Variants in GPR176 observed in about 807,000 individuals in gnomAD.
GPR176 encodes the protein G-protein coupled receptor 176.
Under a neutral mutation model 35.4 loss-of-function variants are expected in GPR176, and 26 were observed. The ratio of observed to expected loss-of-function variants is 0.74; its 90% CI spans 0.54 to 1.02. GPR176 has a LOEUF of 1.02. GPR176 is among the 50% of genes least tolerant of loss of function. The probability of loss-of-function intolerance (pLI) is 0.00; values close to 1 mark genes in which losing one functional copy is unlikely to be tolerated. For missense variants in GPR176, 597 were observed against 665.3 expected (o/e 0.90, Z 1.13); for synonymous variants, 278 against 271.3 (o/e 1.02, Z -0.24).
intron 1 of GPR176, among the ~76,000 whole-genome samples, chr15:39,830,721 T>C (rs997625767): frequency 6.6e-6 from 1 of 152,222 alleles, no homozygotes; most frequent in African/African-American, 2.4e-5. Flanking sequence ...TGACATGAGA[T>C]TTCAACTTTA....
intron 1 of GPR176, among the ~76,000 whole-genome samples, chr15:39,869,786 C>G (rs779028685): frequency 6.6e-6 from 1 of 152,178 alleles, no homozygotes; most frequent in Non-Finnish European, 1.5e-5. Context: ...TGTTTGACCT[C>G]TTCCAACTTT....
intron 1 of GPR176, among the ~76,000 whole-genome samples, chr15:39,918,044 TAAAAA>T (rs11410825): frequency 3.0e-4 from 33 of 111,456 alleles, no homozygotes; most frequent in African/African-American, 9.1e-4. Context: ...AAACTCTGTC[TAAAAA>T]AAAAAAAAAA....
intron 1 of GPR176, among the ~76,000 whole-genome samples, chr15:39,890,152 G>A (rs1396168798): frequency 6.6e-6 from 1 of 151,994 alleles, no homozygotes; most frequent in Non-Finnish European, 1.5e-5. Context: ...TACAAATTTG[G>A]GTTTTCTTAG....
chr15:39,849,597 T>C (rs373113001), intron 1 of GPR176, among the ~76,000 whole-genome samples: 1 of 152,144 alleles, frequency 6.6e-6, no homozygotes, highest in Non-Finnish European at 1.5e-5. Flanking sequence ...GCTTTCAACA[T>C]TTGAAAATCA....
rs373275682 is a variant in GPR176, at chr15:39,801,418, G to T, written c.1262C>A (p.Ser421Tyr). 5.6e-6 allele frequency: 9 copies of T among 1,614,240 alleles called. No individual in the cohort carries two copies. The highest frequency in any genetic ancestry group is 1.6e-4 in the Middle Eastern group (1 of 6,062). Residue 421 changes from serine to tyrosine, a missense_variant, in exon 3 of 3, where the codon TCT becomes TAT. By Grantham distance (144) the Ser-to-Tyr change is moderately radical. Transcript: ENST00000561100. ...EGEQGPQFAP[S>Y]APPLSTVDSV... Reference sequence around the variant, plus strand: ...GTCCACTGTGCTCAGGGGTGGGGCAGAGGGCGCAAACTGTGGCCCCTGCTC... The same window carrying T: ...GTCCACTGTGCTCAGGGGTGGGGCATAGGGCGCAAACTGTGGCCCCTGCTC...
At chr15:39,846,082 C>T (rs760399665) in intron 1 of GPR176, among the ~76,000 whole-genome samples, 2 of 152,152 alleles carry the variant, frequency 1.3e-5, no homozygotes, top group Non-Finnish European at 2.9e-5. Context: ...TTGAAAATAT[C>T]GTTCTGGACT....
chr15:39,918,729 G>C (rs538533552), intron 1 of GPR176, among the ~76,000 whole-genome samples: 4 of 151,842 alleles, frequency 2.6e-5, no homozygotes, highest in Non-Finnish European at 5.9e-5. Flanking sequence ...AAATATCCTC[G>C]TAACAAAAAA....
intron 1 of GPR176, among the ~76,000 whole-genome samples, chr15:39,910,955 T>G (rs976584755): frequency 6.6e-5 from 10 of 152,012 alleles, no homozygotes; most frequent in African/African-American, 2.4e-4. Flanking sequence ...GGAGAATCAT[T>G]TGAATCCAGG....
At chr15:39,821,457 G>T (rs556275356) in intron 1 of GPR176, among the ~76,000 whole-genome samples, 5 of 152,200 alleles carry the variant, frequency 3.3e-5, no homozygotes, top group Admixed American at 1.3e-4. Flanking sequence ...CTTGCCCTTG[G>T]TGTTATTCTT....
chr15:39,888,011 C>T (rs2032733050), intron 1 of GPR176, among the ~76,000 whole-genome samples: 1 of 152,174 alleles, frequency 6.6e-6, no homozygotes, highest in Non-Finnish European at 1.5e-5. Context: ...TCTAACTTAG[C>T]TTTATCTACC....
chr15:39,821,811 G>A lies in GPR176; in HGVS notation c.173-14553C>T, dbSNP rs79800139. Among the ~76,000 whole-genome samples, 1,309 of 152,294 alleles carry A rather than the reference G, an allele frequency of 8.6e-3. 19 individuals carry two copies. Among genetic ancestry groups the A allele is most frequent in the African/African-American group, 0.03 (1,247 of 41,544 alleles). ...TTTTTGCTAACTGTTAAGAGTTCTG[G>A]CAAAAGCAAATATTGTAAGCCCCTC... On this transcript the variant is annotated intron_variant, in intron 1 of 2. Coordinates refer to ENST00000561100, the MANE Select transcript of GPR176 (RefSeq NM_007223.3).
chr15:39,815,758 CAA>C (rs1899861910), intron 1 of GPR176, among the ~76,000 whole-genome samples: 1 of 152,086 alleles, frequency 6.6e-6, no homozygotes, highest in South Asian at 2.1e-4. Context: ...AAAAAAGTAA[CAA>C]GAGAACTATC....
chr15:39,844,623 G>T (rs181661565), intron 1 of GPR176, among the ~76,000 whole-genome samples: 1 of 152,024 alleles, frequency 6.6e-6, no homozygotes, highest in Admixed American at 6.6e-5. Flanking sequence ...GAGAATTTGG[G>T]GCAAGAACCT....
rs573720894 is a variant in GPR176, at chr15:39,864,947, C to T, written c.172+54908G>A. ...CAGGCATGTGGAAAAAAAAAAAAAA[C>T]GCTCAACATTGCTAATCATCAGAGA... On this transcript the variant is annotated intron_variant, in intron 1 of 2. Coordinates refer to ENST00000561100, the MANE Select transcript of GPR176 (RefSeq NM_007223.3). Among the ~76,000 whole-genome samples the T allele has an allele frequency of 1.8e-4, 25 of 138,506 alleles. No individual in the cohort carries two copies. The South Asian group carries it at 2.6e-3, about 14-fold the overall frequency. The allele number at this position is 138,506 out of a possible 152,430, so 90.9% of individuals were successfully genotyped here. A position where few individuals can be genotyped will look rare whatever the true frequency, so the allele number is the denominator to read the frequency against.
At chr15:39,857,676 GAAA>G (rs970509364) in intron 1 of GPR176, among the ~76,000 whole-genome samples, 1 of 146,426 alleles carries the variant, frequency 6.8e-6, no homozygotes, top group South Asian at 2.2e-4. Flanking sequence ...TCTCAAAAAA[GAAA>G]AAAAAAGGGC....
rs1440578006 is a variant in GPR176, at chr15:39,855,474, C to T, written c.173-48216G>A. 3.3e-5 allele frequency among the ~76,000 whole-genome samples: 5 copies of T among 152,196 alleles called. No homozygotes were observed. In the East Asian group the frequency reaches 9.6e-4, roughly 29 times the overall value. On this transcript the variant is annotated intron_variant, in intron 1 of 2. Transcript: ENST00000561100. Reference sequence around the variant, plus strand: ...TAGAGATCATGTATTTCCCAAGCATCCCCTGCCACTAGTGTACAGAGGCGT... The same window carrying T: ...TAGAGATCATGTATTTCCCAAGCATTCCCTGCCACTAGTGTACAGAGGCGT...
intron 1 of GPR176, among the ~76,000 whole-genome samples, chr15:39,917,275 C>G (rs140310225): frequency 1.2e-4 from 18 of 149,290 alleles, no homozygotes; most frequent in African/African-American, 4.4e-4. Flanking sequence ...GCAACAAGAG[C>G]GAAACTCCGT....
rs753574660 is a variant in GPR176, at chr15:39,891,370, G to GT, written c.172+28484dup. ...CTCATGATATTTTCGGGGTTTTTTT[G>GT]TTGTTAAAGATGAGTTCTTGCTGTG... On this transcript the variant is annotated intron_variant, in intron 1 of 2. Transcript: ENST00000561100. 1.4e-4 allele frequency among the ~76,000 whole-genome samples: 22 copies of GT among 152,220 alleles called. 1 individual carries two copies. Among genetic ancestry groups the GT allele is most frequent in the Middle Eastern group, 3.4e-3 (1 of 294 alleles).
rs181123925 is a variant in GPR176, at chr15:39,819,544, T to C, written c.173-12286A>G. On this transcript the variant is annotated intron_variant, in intron 1 of 2. Transcript: ENST00000561100. ...GTGTACTCACTTTTATAACTATACC[T>C]ACTGATGAGAACTACCTTCAACCAA... 2.2e-4 allele frequency among the ~76,000 whole-genome samples: 34 copies of C among 152,348 alleles called. No individual in the cohort carries two copies. In the East Asian group the frequency reaches 6.2e-3, roughly 28 times the overall value.
Sources: allele counts gnomAD v4.1 joint callset (sites outside exome capture counted in the v4.1 genomes callset), GRCh38; gene constraint gnomAD v4.1.1; transcripts MANE v1.5; gene names NCBI Gene and HGNC (gene_info 2026-07-23, HGNC 2026-07-21).